COG3: variants seen among roughly 807,000 people sequenced by gnomAD.
COG3 encodes component of oligomeric golgi complex 3, also known as conserved oligomeric Golgi complex subunit 3.
COG3 carries 32 observed loss-of-function variants against 114.1 expected under a neutral mutation model. The observed-to-expected ratio is 0.28, with a 90% CI of 0.21 to 0.38. The LOEUF is 0.38. Among genes scored for constraint, COG3 ranks in the 10% least tolerant of loss-of-function variants. The probability of loss-of-function intolerance (pLI) is 1.00; values close to 1 mark genes in which losing one functional copy is unlikely to be tolerated. For synonymous variants in COG3, 352 were observed against 365.7 expected (o/e 0.96, Z 0.43); for missense variants, 813 against 973.2 (o/e 0.84, Z 2.19).
chr13:45,480,754 C>T (rs1384852495), intron 4 of COG3, among the ~76,000 whole-genome samples: 1 of 151,960 alleles, frequency 6.6e-6, no homozygotes, highest in African/African-American at 2.4e-5. Flanking sequence ...TTAGTAGAGA[C>T]AGAGTTTCAC....
chr13:45,493,507 A>AT (rs766576830), intron 12 of COG3, 21 bp downstream of exon 12: 2 of 1,600,292 alleles, frequency 1.2e-6, no homozygotes, highest in Non-Finnish European at 1.7e-6. Context: ...AGAAATGATC[A>AT]TTTTAAGTTA....
At chr13:45,527,102 T>A (rs1176133107) in intron 20 of COG3, among the ~76,000 whole-genome samples, 1 of 152,208 alleles carries the variant, frequency 6.6e-6, no homozygotes, top group Non-Finnish European at 1.5e-5. Flanking sequence ...GATGCATAAT[T>A]AACGTATTGC....
Position 45,513,274 on chromosome 13 carries a change from T to C in COG3, c.1809+1420T>C, listed in dbSNP as rs190457649. ...ATATAATATATACATATAAATTATA[T>C]ATAATATATACATATAAATTATACA... On this transcript the variant is annotated intron_variant, in intron 16 of 22. Transcript: ENST00000349995. Among the ~76,000 whole-genome samples, 322 of 104,682 alleles carry C rather than the reference T, an allele frequency of 3.1e-3. 17 individuals carry two copies. The highest frequency in any genetic ancestry group is 0.011 in the Middle Eastern group (2 of 188). The allele number at this position is 104,682 out of a possible 152,430, so 68.7% of individuals were successfully genotyped here.
intron 21 of COG3, 116 bp downstream of exon 21, chr13:45,530,034 A>ATTATTCAACTTCACT: frequency 8.9e-7 from 1 of 1,120,360 alleles, no homozygotes; most frequent in Non-Finnish European, 1.2e-6. Flanking sequence ...TGTTCTAGTG[A>ATTATTCAACTTCACT]AGTTGAATAA....
At chr13:45,524,147 A>C (rs538938438) in intron 19 of COG3, among the ~76,000 whole-genome samples, 2 of 152,248 alleles carry the variant, frequency 1.3e-5, no homozygotes, top group South Asian at 4.1e-4. Flanking sequence ...AAATGTTTGT[A>C]TGGCCTTTTG....
chr13:45,498,657 T>G (rs1306890224), intron 13 of COG3, among the ~76,000 whole-genome samples: 2 of 152,092 alleles, frequency 1.3e-5, no homozygotes, highest in Non-Finnish European at 2.9e-5. Context: ...TGTTTTGTTT[T>G]GTTTTTGGAC....
intron 20 of COG3, among the ~76,000 whole-genome samples, chr13:45,526,257 T>A (rs1872687077): frequency 6.6e-6 from 1 of 151,716 alleles, no homozygotes; most frequent in South Asian, 2.1e-4. Context: ...AGCTAATTGT[T>A]GTATTTTTAG....
At chr13:45,491,785 A>G (rs1887032962) in intron 10 of COG3, among the ~76,000 whole-genome samples, 1 of 152,146 alleles carries the variant, frequency 6.6e-6, no homozygotes, top group Admixed American at 6.6e-5. Context: ...TGAGATTTCA[A>G]AGTTTGTAGA....
chr13:45,524,960 T>A lies in COG3; in HGVS notation c.2155-16T>A, dbSNP rs750623157. On this transcript the variant is annotated splice_polypyrimidine_tract_variant and intron_variant, in intron 19 of 22. Coordinates refer to ENST00000349995, the MANE Select transcript of COG3 (RefSeq NM_031431.4). ...TGATGAAATGAAACTTTTTTTCTTT[T>A]TGTCTCCTCTATTAGGTTTCAGCGT... is the stretch of plus-strand genomic sequence containing the variant. The A allele has an allele frequency of 6.2e-7, 1 of 1,609,472 alleles. No homozygotes were observed. The highest frequency in any genetic ancestry group is 8.5e-7 in the Non-Finnish European group (1 of 1,177,188).
At chr13:45,525,633 G>GTTTTTTTTTTTTTTTTTTTTTTTT (rs1566273037) in intron 20 of COG3, among the ~76,000 whole-genome samples, 5 of 13,918 alleles carry the variant, frequency 3.6e-4, no homozygotes, top group African/African-American at 1.8e-3. Context: ...GAGGGCTTTG[G>GTTTTTTTTTTTTTTTTTTTTTTTT]GTTTTTTTTT....
intron 1 of COG3, chr13:45,465,510 G>C (rs1439361463): frequency 6.3e-6 from 2 of 315,028 alleles, no homozygotes; most frequent in Non-Finnish European, 1.2e-5. Context: ...TGCACCGAAC[G>C]TTTTGCCCCA....
At chr13:45,474,250 C>T (rs993661989) in intron 1 of COG3, among the ~76,000 whole-genome samples, 30 of 143,404 alleles carry the variant, frequency 2.1e-4, no homozygotes, top group Non-Finnish European at 3.7e-4. Flanking sequence ...CTTCACTTCC[C>T]GGGTTCATGC....
Position 45,534,980 on chromosome 13 carries a change from C to G in COG3, c.*249C>G. On this transcript the variant is annotated 3_prime_UTR_variant, in exon 23 of 23. Coordinates refer to ENST00000349995, the MANE Select transcript of COG3 (RefSeq NM_031431.4). ...GATAACTGCCTCGTTTAAATGGTCA[C>G]AAGAAATGTGAAGAGAGAGCTAGGG... The G allele has an allele frequency of 2.4e-6, 3 of 1,224,850 alleles. No homozygotes were observed. Among genetic ancestry groups the G allele is most frequent in the Non-Finnish European group, 3.0e-6 (3 of 984,106 alleles). The allele number at this position is 1,224,850 out of a possible 1,614,324, so 75.9% of individuals were successfully genotyped here.
chr13:45,477,632 T>TC (rs1885957550), intron 2 of COG3, among the ~76,000 whole-genome samples: 2 of 94,576 alleles, frequency 2.1e-5, no homozygotes, highest in African/African-American at 1.8e-4. Flanking sequence ...CCATATTCTC[T>TC]TTTTTTTTTT....
chr13:45,508,784 C>T (rs1220220132), intron 14 of COG3, among the ~76,000 whole-genome samples: 1 of 152,176 alleles, frequency 6.6e-6, no homozygotes, highest in South Asian at 2.1e-4. Flanking sequence ...TACTCCCCAC[C>T]TGCTCTTCCT....
chr13:45,496,909 G>C (rs1868860602), intron 13 of COG3, among the ~76,000 whole-genome samples: 1 of 152,066 alleles, frequency 6.6e-6, no homozygotes, highest in Non-Finnish European at 1.5e-5. Flanking sequence ...CCCTGACCTC[G>C]TGATCCGCCC....
Position 45,493,250 on chromosome 13 carries a change from G to A in COG3, c.1188-97G>A. ...TACTATTTTCCAGTAGATACTTATT[G>A]TTCTTATTGACTGGAAGAAATCAAT... On this transcript the variant is annotated intron_variant, in intron 11 of 22. Coordinates refer to ENST00000349995, the MANE Select transcript of COG3 (RefSeq NM_031431.4). 4.2e-6 allele frequency: 4 copies of A among 941,294 alleles called. No homozygotes were observed. In the Admixed American group the frequency reaches 6.5e-5, roughly 15 times the overall value. The allele number at this position is 941,294 out of a possible 1,614,324, so 58.3% of individuals were successfully genotyped here. A position where few individuals can be genotyped will look rare whatever the true frequency, so the allele number is the denominator to read the frequency against.
chr13:45,530,781 G>C lies in COG3; in HGVS notation c.2457+1G>C, dbSNP rs1186438944. On this transcript the variant is annotated splice_donor_variant, in intron 22 of 22. Transcript: ENST00000349995. LOFTEE classifies it high-confidence loss of function. The stretch of plus-strand genomic sequence containing the variant: ...CATTGCCTGTCCATCTATGGAACAG[G>C]TAATGGGTAGACTGAAGATCCTTAT... 1 of 1,609,930 alleles carries C rather than the reference G, an allele frequency of 6.2e-7. No individual in the cohort carries two copies. Among genetic ancestry groups the C allele is most frequent in the Non-Finnish European group, 8.5e-7 (1 of 1,176,436 alleles).
chr13:45,498,508 G>A (rs1000713273), intron 13 of COG3, among the ~76,000 whole-genome samples: 9 of 151,792 alleles, frequency 5.9e-5, no homozygotes, highest in African/African-American at 2.2e-4. Context: ...TGTGAAGTAG[G>A]GGTCCAGTTT....
Sources: allele counts gnomAD v4.1 joint callset (sites outside exome capture counted in the v4.1 genomes callset), GRCh38; gene constraint gnomAD v4.1.1; transcripts MANE v1.5; gene names NCBI Gene and HGNC (gene_info 2026-07-23, HGNC 2026-07-21).